Variants in ZNF148 observed in about 807,000 individuals in gnomAD.
The protein encoded by ZNF148 is zinc finger protein 148, also known as Beta-Enolase Repressor Factor-1.
ZNF148 carries 7 observed loss-of-function variants against 67.7 expected under a neutral mutation model. The ratio of observed to expected loss-of-function variants is 0.10; its 90% CI spans 0.06 to 0.19. The LOEUF (loss-of-function observed/expected upper bound fraction) is 0.19, where lower values mean the gene tolerates loss of function less well. Ranked by LOEUF, ZNF148 falls within the 10% of genes least tolerant of loss-of-function variation. The pLI is 1.00. For missense variants in ZNF148, 583 were observed against 947.1 expected, an observed-to-expected ratio of 0.62 and a Z score of 5.05; for synonymous variants, 333 against 330.7, an observed-to-expected ratio of 1.01 and a Z score of -0.08.
chr3:125,255,296 G>T (rs1248680030), intron 7 of ZNF148, among the ~76,000 whole-genome samples: 2 of 140,494 alleles, frequency 1.4e-5, no homozygotes, highest in Non-Finnish European at 3.0e-5. Flanking sequence ...GCCCAGGCTG[G>T]AGTGCAGTGG....
intron 1 of ZNF148, among the ~76,000 whole-genome samples, chr3:125,361,068 T>G (rs1048716886): frequency 2.6e-5 from 4 of 151,814 alleles, no homozygotes; most frequent in African/African-American, 9.7e-5. Context: ...AACTGGTAAA[T>G]GTAACAAATC....
At chr3:125,272,985 C>T (rs1937838572) in intron 7 of ZNF148, among the ~76,000 whole-genome samples, 1 of 152,184 alleles carries the variant, frequency 6.6e-6, no homozygotes, top group South Asian at 2.1e-4. Context: ...TTTCCTTCAT[C>T]CTCACAAATT....
chr3:125,363,003 G>T (rs1425905578), intron 1 of ZNF148, among the ~76,000 whole-genome samples: 1 of 152,024 alleles, frequency 6.6e-6, no homozygotes, highest in African/African-American at 2.4e-5. Context: ...TTTTCCCAAG[G>T]TCTGACCTGG....
chr3:125,336,944 G>T (rs369210049), intron 1 of ZNF148, among the ~76,000 whole-genome samples: 1 of 147,834 alleles, frequency 6.8e-6, no homozygotes, highest in East Asian at 2.0e-4. Context: ...CAAAGTGCTG[G>T]TATTACCAGT....
At chr3:125,317,974 T>C (rs896831907) in intron 3 of ZNF148, among the ~76,000 whole-genome samples, 7 of 151,966 alleles carry the variant, frequency 4.6e-5, no homozygotes, top group Non-Finnish European at 8.8e-5. Flanking sequence ...CATACCTCTA[T>C]CATATACCTC....
intron 3 of ZNF148, among the ~76,000 whole-genome samples, chr3:125,318,544 C>T (rs951174371): frequency 1.3e-5 from 2 of 152,150 alleles, no homozygotes. Flanking sequence ...TTCAAGGAAC[C>T]TCTATCCAAC....
intron 7 of ZNF148, among the ~76,000 whole-genome samples, chr3:125,255,950 T>C (rs953082680): frequency 6.6e-6 from 1 of 152,150 alleles, no homozygotes; most frequent in Non-Finnish European, 1.5e-5. Flanking sequence ...AAATTTAACC[T>C]GCTTGGGATT....
chr3:125,337,171 T>A (rs1305193362), intron 1 of ZNF148, among the ~76,000 whole-genome samples: 1 of 151,730 alleles, frequency 6.6e-6, no homozygotes, highest in Non-Finnish European at 1.5e-5. Flanking sequence ...CAAGTGAAAA[T>A]TTTCACCTAC....
intron 2 of ZNF148, among the ~76,000 whole-genome samples, chr3:125,329,340 TA>T (rs749883896): frequency 1.8e-3 from 20 of 10,982 alleles, no homozygotes; most frequent in African/African-American, 4.8e-3. Context: ...TATATATATA[TA>T]AAATTTTACA....
intron 7 of ZNF148, among the ~76,000 whole-genome samples, chr3:125,248,221 C>A (rs542090212): frequency 6.6e-6 from 1 of 152,144 alleles, no homozygotes. Context: ...AATCCCAAAA[C>A]GTACAACAGA....
At chr3:125,240,791 A>G (rs1186683656) in intron 7 of ZNF148, among the ~76,000 whole-genome samples, 1 of 151,914 alleles carries the variant, frequency 6.6e-6, no homozygotes, top group Non-Finnish European at 1.5e-5. Flanking sequence ...CCAAAAACCA[A>G]AAACCAAAAC....
chr3:125,370,385 A>T (rs1438485383), intron 1 of ZNF148, among the ~76,000 whole-genome samples: 1 of 152,170 alleles, frequency 6.6e-6, no homozygotes, highest in African/African-American at 2.4e-5. Context: ...CACTATTATC[A>T]CTAACAGTGA....
chr3:125,266,766 A>C (rs1937540314), intron 7 of ZNF148, among the ~76,000 whole-genome samples: 1 of 152,102 alleles, frequency 6.6e-6, no homozygotes, highest in African/African-American at 2.4e-5. Context: ...TCAAAACAAA[A>C]AGTTGGTTCT....
At chr3:125,356,298 G>T (rs1461260242) in intron 1 of ZNF148, among the ~76,000 whole-genome samples, 2 of 151,964 alleles carry the variant, frequency 1.3e-5, no homozygotes, top group Non-Finnish European at 2.9e-5. Context: ...GTCTATTCTG[G>T]GATTGGTCAC....
At chr3:125,325,608 G>A (rs945018601) in intron 2 of ZNF148, among the ~76,000 whole-genome samples, 2 of 151,998 alleles carry the variant, frequency 1.3e-5, no homozygotes, top group Non-Finnish European at 2.9e-5. Flanking sequence ...TGGGATTACA[G>A]GAACCCTCCA....
At chr3:125,266,108 C>T (rs896784670) in intron 7 of ZNF148, among the ~76,000 whole-genome samples, 1 of 151,998 alleles carries the variant, frequency 6.6e-6, no homozygotes, top group Non-Finnish European at 1.5e-5. Flanking sequence ...TGTATACAGC[C>T]ATACAATAAC....
At chr3:125,357,493 A>G (rs899377002) in intron 1 of ZNF148, among the ~76,000 whole-genome samples, 3 of 152,108 alleles carry the variant, frequency 2.0e-5, no homozygotes, top group Non-Finnish European at 4.4e-5. Flanking sequence ...CACTTCAGGG[A>G]GCGCCCACTC....
At chr3:125,319,396 A>G (rs1940671403) in intron 3 of ZNF148, among the ~76,000 whole-genome samples, 1 of 152,176 alleles carries the variant, frequency 6.6e-6, no homozygotes, top group African/African-American at 2.4e-5. Context: ...TCATCTTCAG[A>G]GGACAAAGTT....
intron 3 of ZNF148, among the ~76,000 whole-genome samples, chr3:125,322,057 A>G (rs1452584722): frequency 1.8e-5 from 2 of 113,396 alleles, no homozygotes; most frequent in East Asian, 2.7e-4. Flanking sequence ...TTTGAGAGAG[A>G]GTCTCGCTCT....
Sources: gnomAD v4.1 joint callset for allele counts (sites outside exome capture counted in the v4.1 genomes callset) on GRCh38, gnomAD v4.1.1 for gene constraint, MANE v1.5 for transcripts, NCBI Gene and HGNC (gene_info 2026-07-23, HGNC 2026-07-21) for gene names.